Variants in EIPR1 observed in about 807,000 individuals in gnomAD.
EIPR1 encodes the protein EARP complex and GARP complex interacting protein 1, also known as EARP and GARP complex-interacting protein 1.
In EIPR1, 25 loss-of-function variants were observed where a neutral mutation model predicts 48.1. The observed-to-expected ratio is 0.52, with a 90% CI of 0.38 to 0.73. The LOEUF is 0.73. Ranked by LOEUF, EIPR1 falls within the 30% of genes least tolerant of loss-of-function variation. The pLI is 0.00. For synonymous variants in EIPR1, 204 were observed against 201.9 expected (o/e 1.01, Z -0.09); for missense variants, 415 against 506.2 (o/e 0.82, Z 1.73).
At chr2:3,217,648 C>T (rs1665683179) in intron 4 of EIPR1, among the ~76,000 whole-genome samples, 1 of 152,098 alleles carries the variant, frequency 6.6e-6, no homozygotes, top group African/African-American at 2.4e-5. Flanking sequence ...GTGGAGAAGC[C>T]GCCCTCTGTG....
chr2:3,245,657 C>T (rs1221150637), intron 4 of EIPR1, among the ~76,000 whole-genome samples: 1 of 152,230 alleles, frequency 6.6e-6, no homozygotes, highest in Non-Finnish European at 1.5e-5. Flanking sequence ...AGCTAATAGA[C>T]AACTCTGCTC....
chr2:3,257,522 C>T (rs569276306), intron 3 of EIPR1, 67 bp from the exon 4 acceptor site: 1 of 1,569,680 alleles, frequency 6.4e-7, no homozygotes, highest in East Asian at 2.3e-5. Flanking sequence ...GCAGACAGCA[C>T]ACGCACATTT....
At chr2:3,353,548 T>A (rs1402529645) in intron 2 of EIPR1, among the ~76,000 whole-genome samples, 1 of 152,246 alleles carries the variant, frequency 6.6e-6, no homozygotes, top group Non-Finnish European at 1.5e-5. Flanking sequence ...GGCAATTTCA[T>A]ATTGTTCAAC....
At chr2:3,229,415 T>C (rs191660925) in intron 4 of EIPR1, among the ~76,000 whole-genome samples, 2 of 152,270 alleles carry the variant, frequency 1.3e-5, no homozygotes, top group African/African-American at 4.8e-5. Context: ...AAAACAGTGA[T>C]GTTTCATCAG....
chr2:3,339,835 AG>A (rs1307048827), intron 2 of EIPR1, among the ~76,000 whole-genome samples: 1 of 152,216 alleles, frequency 6.6e-6, no homozygotes, highest in African/African-American at 2.4e-5. Flanking sequence ...CTGTAGTCCC[AG>A]CTACTCGGGA....
intron 7 of EIPR1, among the ~76,000 whole-genome samples, chr2:3,193,260 G>C (rs773714058): frequency 2.6e-5 from 4 of 152,214 alleles, no homozygotes; most frequent in Non-Finnish European, 5.9e-5. Flanking sequence ...CTACCAATCC[G>C]GGGTTTTAAC....
rs888959663 is a variant in EIPR1, at chr2:3,312,166, G to A, written c.259+25851C>T. 2.9e-4 allele frequency among the ~76,000 whole-genome samples: 44 copies of A among 152,196 alleles called. No homozygotes were observed. The highest frequency in any genetic ancestry group is 9.9e-4 in the African/African-American group (41 of 41,530). On this transcript the variant is annotated intron_variant, in intron 3 of 8. Transcript: ENST00000382125. The surrounding 1 kb of genome is among the most constrained non-coding windows in gnomAD (Gnocchi z 5.5). ...CCCAAATTTCCTCAAGTTGCCCCCC[G>A]AATCTGTCCATCACTCTGCACATGG...
chr2:3,265,884 G>T (rs1667471314), intron 3 of EIPR1, among the ~76,000 whole-genome samples: 1 of 152,250 alleles, frequency 6.6e-6, no homozygotes. Flanking sequence ...TGTCCAGAAT[G>T]AATGGAGCCT....
intron 5 of EIPR1, among the ~76,000 whole-genome samples, chr2:3,211,074 C>A (rs1036885816): frequency 1.3e-5 from 2 of 152,170 alleles, no homozygotes; most frequent in South Asian, 4.1e-4. Flanking sequence ...CTGTGACATG[C>A]AATTTACCTA....
At chr2:3,282,689 C>T (rs1478315302) in intron 3 of EIPR1, 5 of 152,276 alleles carry the variant, frequency 3.3e-5, no homozygotes, top group East Asian at 1.9e-4. Flanking sequence ...TGTGCGCTCC[C>T]GAGTCTGCAC....
intron 2 of EIPR1, among the ~76,000 whole-genome samples, chr2:3,344,616 CAT>C (rs1277889875): frequency 7.1e-6 from 1 of 140,916 alleles, no homozygotes; most frequent in Non-Finnish European, 1.5e-5. Flanking sequence ...CTAATAGAAA[CAT>C]ATACTGGTTC....
At chr2:3,363,882 G>A (rs544396678) in intron 1 of EIPR1, among the ~76,000 whole-genome samples, 18 of 149,284 alleles carry the variant, frequency 1.2e-4, no homozygotes, top group South Asian at 6.3e-4. Context: ...AAAAGAAGAC[G>A]CACAAATGGC....
intron 3 of EIPR1, among the ~76,000 whole-genome samples, chr2:3,293,418 G>A (rs1668427803): frequency 6.6e-6 from 1 of 152,218 alleles, no homozygotes. Context: ...CCAATCAGAT[G>A]TGGCCTGCTT....
At chr2:3,306,830 C>G (rs1027807996) in intron 3 of EIPR1, among the ~76,000 whole-genome samples, 2 of 152,092 alleles carry the variant, frequency 1.3e-5, no homozygotes, top group African/African-American at 2.4e-5. Context: ...GTGGACCCCC[C>G]CAGTCCAAAC....
At chr2:3,297,475 A>G (rs941012772) in intron 3 of EIPR1, among the ~76,000 whole-genome samples, 2 of 152,256 alleles carry the variant, frequency 1.3e-5, no homozygotes, top group African/African-American at 4.8e-5. Flanking sequence ...TCCCTTCTAC[A>G]ACGGAGTTCA....
intron 1 of EIPR1, among the ~76,000 whole-genome samples, chr2:3,371,456 G>A (rs932683128): frequency 6.6e-6 from 1 of 152,106 alleles, no homozygotes; most frequent in African/African-American, 2.4e-5. Context: ...AAAGAGTCAA[G>A]ACCCATCAGT....
chr2:3,366,971 G>C (rs1670988460), intron 1 of EIPR1, among the ~76,000 whole-genome samples: 1 of 152,110 alleles, frequency 6.6e-6, no homozygotes. Flanking sequence ...CTTGAACCTG[G>C]GAGGTGGAGG....
At chr2:3,373,750 C>T (rs1393704614) in intron 1 of EIPR1, among the ~76,000 whole-genome samples, 2 of 152,006 alleles carry the variant, frequency 1.3e-5, no homozygotes, top group African/African-American at 4.8e-5. Context: ...AATGGAAGAA[C>T]ATTCCATGCT....
chr2:3,357,631 G>C (rs1219314384), intron 1 of EIPR1, among the ~76,000 whole-genome samples: 1 of 152,178 alleles, frequency 6.6e-6, no homozygotes, highest in Non-Finnish European at 1.5e-5. Flanking sequence ...AGCTGTTTCT[G>C]CACCTCACTT....
Sources: allele counts gnomAD v4.1 joint callset (sites outside exome capture counted in the v4.1 genomes callset), GRCh38; gene constraint gnomAD v4.1.1; non-coding constraint Gnocchi (gnomAD v3.1); transcripts MANE v1.5; gene names NCBI Gene and HGNC (gene_info 2026-07-23, HGNC 2026-07-21).